RIMBP2: variants seen among roughly 807,000 people sequenced by gnomAD.
RIMBP2 encodes RIMS binding protein 2.
A neutral mutation model predicts 118.6 loss-of-function variants in RIMBP2; 48 were observed. The observed-to-expected ratio is 0.40, with a 90% CI of 0.32 to 0.51. The LOEUF is 0.51. RIMBP2 is among the 20% of genes least tolerant of loss of function. The pLI, the probability that RIMBP2 is intolerant of heterozygous loss-of-function variation, is 0.41. For missense variants in RIMBP2, 1,551 were observed against 1,768.3 expected, an observed-to-expected ratio of 0.88 and a Z score of 2.20; for synonymous variants, 762 against 742.9, an observed-to-expected ratio of 1.03 and a Z score of -0.42.
chr12:130,456,649 T>G lies in RIMBP2; in HGVS notation c.205A>C (p.Asn69His). The change falls in exon 7 of 23, where the codon AAC (asparagine) becomes CAC (histidine). Residue 69 changes from asparagine (N) to histidine (H), a missense_variant. Physicochemically the swap from Asn to His is moderately conservative, Grantham distance 68. This residue lies in a region of RIMBP2 where 239 missense variants were observed against 256.8 expected (regional missense o/e 0.93). Coordinates refer to ENST00000690449, the MANE Select transcript of RIMBP2 (RefSeq NM_001393629.1). ...EKCRTQSEQFNLLSRDLEKFR... is the reference protein window; with the variant it reads ...EKCRTQSEQFHLLSRDLEKFR... Reference sequence around the variant, plus strand: ...TTCTCCAGGTCCCGGGACAGCAGGTTGAACTGCTCACTTTGAGTCCGGCAT... The same window carrying G: ...TTCTCCAGGTCCCGGGACAGCAGGTGGAACTGCTCACTTTGAGTCCGGCAT... The G allele has an allele frequency of 1.2e-6, 2 of 1,612,942 alleles. No individual in the cohort carries two copies. The highest frequency in any genetic ancestry group is 1.7e-6 in the Non-Finnish European group (2 of 1,179,318).
chr12:130,603,435 A>G (rs1403773553), intron 2 of RIMBP2, among the ~76,000 whole-genome samples: 39 of 152,364 alleles, frequency 2.6e-4, no homozygotes. Context: ...AACCCAATAG[A>G]GAAATGGATA....
Position 130,406,199 on chromosome 12 carries a change from A to G in RIMBP2, c.3738T>C (p.Gly1246=), listed in dbSNP as rs2075158455. Residue 1246 remains glycine (G), a synonymous_variant, in exon 21 of 23, where the codon GGT becomes GGC. Transcript: ENST00000690449. ...AATAAAATCCATCTTCATCAATTTC[A>G]CCAAAAACTGTAATAATATCTCCTG... ...FCTGDIITVF[G]EIDEDGFYYG... is the part of the protein sequence containing the mutation. The G allele has an allele frequency of 1.3e-6, 2 of 1,599,862 alleles. No individual in the cohort carries two copies. Among genetic ancestry groups the G allele is most frequent in the African/African-American group, 1.3e-5 (1 of 74,630 alleles).
At chr12:130,570,005 A>G (rs2057507027) in intron 2 of RIMBP2, among the ~76,000 whole-genome samples, 1 of 152,192 alleles carries the variant, frequency 6.6e-6, no homozygotes, top group Non-Finnish European at 1.5e-5. Context: ...TTTATGAGGA[A>G]GGAATGCCAT....
At chr12:130,584,687 C>CATTACATCATCACTATCACAACG (rs1344983197) in intron 2 of RIMBP2, among the ~76,000 whole-genome samples, 8 of 80,602 alleles carry the variant, frequency 9.9e-5, no homozygotes, top group African/African-American at 2.0e-4. Flanking sequence ...CTATCACAAC[C>CATTACATCATCACTATCACAACG]ATTACATCAT....
At chr12:130,615,477 A>G (rs755727044) in intron 2 of RIMBP2, among the ~76,000 whole-genome samples, 94 of 151,476 alleles carry the variant, frequency 6.2e-4, no homozygotes, top group Non-Finnish European at 1.2e-3. Flanking sequence ...CACCTGGCTA[A>G]TTTTTGTGTT....
At chr12:130,574,044 A>G (rs2057904568) in intron 2 of RIMBP2, among the ~76,000 whole-genome samples, 1 of 152,132 alleles carries the variant, frequency 6.6e-6, no homozygotes, top group Non-Finnish European at 1.5e-5. Context: ...ACATCGAGGG[A>G]TTATCACCAC....
At chr12:130,666,476 C>A (rs961554499) in intron 1 of RIMBP2, among the ~76,000 whole-genome samples, 7 of 152,124 alleles carry the variant, frequency 4.6e-5, no homozygotes, top group African/African-American at 1.7e-4. Context: ...CTTTGCAAGA[C>A]AAAGTTTCAG....
chr12:130,492,577 AG>A (rs2048743793), intron 4 of RIMBP2, among the ~76,000 whole-genome samples: 1 of 152,088 alleles, frequency 6.6e-6, no homozygotes, highest in Non-Finnish European at 1.5e-5. Flanking sequence ...CTGCTTTGGG[AG>A]GGTTATTTTT....
intron 2 of RIMBP2, among the ~76,000 whole-genome samples, chr12:130,587,843 G>T (rs180861986): frequency 0.022 from 3,052 of 135,774 alleles, 119 homozygotes; most frequent in African/African-American, 0.08. Context: ...AAAAAAAAAA[G>T]AAAAAAAAAA....
At position 130,475,875 on chromosome 12, in the gene RIMBP2, G is replaced by A. The variant is rs1157884907; in HGVS notation, c.102+3037C>T. The stretch of plus-strand genomic sequence containing the variant: ...TGGTGAGGACAGAGGGGAGTTCTGT[G>A]TGGGACGTGGCGTCCGAGGCCCCCC... On this transcript the variant is annotated intron_variant, in intron 5 of 22. Transcript: ENST00000690449. The surrounding 1 kb of genome is among the most constrained non-coding windows in gnomAD (Gnocchi z 4.1). Among the ~76,000 whole-genome samples the A allele has an allele frequency of 6.6e-6, 1 of 152,104 alleles. No homozygotes were observed. The highest frequency in any genetic ancestry group is 2.4e-5 in the African/African-American group (1 of 41,410).
At chr12:130,545,266 C>T (rs1004479651) in intron 2 of RIMBP2, among the ~76,000 whole-genome samples, 5 of 152,200 alleles carry the variant, frequency 3.3e-5, no homozygotes, top group East Asian at 1.9e-4. Flanking sequence ...CGCGTAATTG[C>T]TGTCCCAGGC....
chr12:130,605,506 T>C (rs949071114), intron 2 of RIMBP2, among the ~76,000 whole-genome samples: 1 of 152,192 alleles, frequency 6.6e-6, no homozygotes, highest in Admixed American at 6.5e-5. Flanking sequence ...CGTATGCTAT[T>C]GGGGAATTAC....
At chr12:130,626,585 T>TACC (rs2061648811) in intron 2 of RIMBP2, among the ~76,000 whole-genome samples, 1 of 150,332 alleles carries the variant, frequency 6.7e-6, no homozygotes, top group African/African-American at 2.5e-5. Flanking sequence ...CCATCACGAC[T>TACC]ACCGCCGGCA....
chr12:130,593,577 G>C (rs1356931299), intron 2 of RIMBP2, among the ~76,000 whole-genome samples: 1 of 152,262 alleles, frequency 6.6e-6, no homozygotes, highest in Non-Finnish European at 1.5e-5. Context: ...TGCTCCGTGG[G>C]CTGGATGGCG....
intron 20 of RIMBP2, 41 bp downstream of exon 20, chr12:130,407,685 T>C (rs778392145): frequency 6.8e-7 from 1 of 1,461,872 alleles, no homozygotes; most frequent in South Asian, 1.1e-5. Flanking sequence ...AAGGGAAGGG[T>C]GTGGTTGTGT....
intron 17 of RIMBP2, among the ~76,000 whole-genome samples, chr12:130,415,069 C>G (rs1288752401): frequency 6.6e-6 from 1 of 152,168 alleles, no homozygotes. Flanking sequence ...CAACATCACC[C>G]TGATACCCAA....
chr12:130,624,818 G>A (rs995938429), intron 2 of RIMBP2, among the ~76,000 whole-genome samples: 11 of 152,096 alleles, frequency 7.2e-5, no homozygotes, highest in Admixed American at 5.2e-4. Flanking sequence ...TCTGCTTCCC[G>A]GGTTCAAGCA....
chr12:130,698,772 C>T (rs1274905472), intron 1 of RIMBP2, among the ~76,000 whole-genome samples: 1 of 152,128 alleles, frequency 6.6e-6, no homozygotes, highest in Non-Finnish European at 1.5e-5. Context: ...GCAAAAGAAA[C>T]TACCATCAGA....
At chr12:130,630,337 AT>A in intron 1 of RIMBP2, among the ~76,000 whole-genome samples, 1 of 151,618 alleles carries the variant, frequency 6.6e-6, no homozygotes, top group South Asian at 2.1e-4. Context: ...AAAAATTAAT[AT>A]AAAAAATATA....
Sources: gnomAD v4.1 joint callset for allele counts (sites outside exome capture counted in the v4.1 genomes callset) on GRCh38, gnomAD v4.1.1 for gene constraint, gnomAD v4.1.1 regional missense constraint, Gnocchi (gnomAD v3.1) non-coding constraint, MANE v1.5 for transcripts, NCBI Gene and HGNC (gene_info 2026-07-23, HGNC 2026-07-21) for gene names.